CSMD1: variants seen among roughly 807,000 people sequenced by gnomAD.
The protein encoded by CSMD1 is CUB and sushi domain-containing protein 1.
CSMD1 carries 213 observed loss-of-function variants against 417.5 expected under a neutral mutation model. The observed-to-expected ratio is 0.51, with a 90% CI of 0.46 to 0.57. The LOEUF (loss-of-function observed/expected upper bound fraction) is 0.57, where lower values mean the gene tolerates loss of function less well. Among genes scored for constraint, CSMD1 ranks in the 20% least tolerant of loss-of-function variants. The pLI, the probability that CSMD1 is intolerant of heterozygous loss-of-function variation, is 0.00. For missense variants in CSMD1, 6,923 were observed against 4,529.7 expected, an observed-to-expected ratio of 1.53 and a Z score of -15.17; for synonymous variants, 2,862 against 1,736.8, an observed-to-expected ratio of 1.65 and a Z score of -16.11.
At chr8:3,994,687 C>A (rs17068458) in intron 5 of CSMD1, among the ~76,000 whole-genome samples, 1,812 of 152,126 alleles carry the variant, frequency 0.012, 44 homozygotes, top group African/African-American at 0.041. Flanking sequence ...ACGAACCCAA[C>A]GTATGTTTAA....
intron 1 of CSMD1, among the ~76,000 whole-genome samples, chr8:4,862,993 T>C (rs192340671): frequency 4.6e-5 from 7 of 151,994 alleles, no homozygotes; most frequent in Admixed American, 2.6e-4. Context: ...AACCAGCAAA[T>C]ACCCCCGTAG....
intron 5 of CSMD1, among the ~76,000 whole-genome samples, chr8:3,796,744 G>T (rs943824744): frequency 1.3e-5 from 2 of 150,974 alleles, no homozygotes; most frequent in African/African-American, 4.8e-5. Flanking sequence ...TGTTATAGGT[G>T]GTTGCAATTA....
chr8:4,911,682 C>A (rs1192493987), intron 1 of CSMD1, among the ~76,000 whole-genome samples: 1 of 152,106 alleles, frequency 6.6e-6, no homozygotes, highest in African/African-American at 2.4e-5. Flanking sequence ...CATAAATAGA[C>A]TGAAATAAGT....
At chr8:4,892,540 G>C (rs1419060393) in intron 1 of CSMD1, among the ~76,000 whole-genome samples, 1 of 152,038 alleles carries the variant, frequency 6.6e-6, no homozygotes, top group Non-Finnish European at 1.5e-5. Flanking sequence ...AATATTACTT[G>C]TACTAGCGTT....
At chr8:3,686,376 C>G (rs1020049770) in intron 7 of CSMD1, among the ~76,000 whole-genome samples, 1 of 152,124 alleles carries the variant, frequency 6.6e-6, no homozygotes, top group Non-Finnish European at 1.5e-5. Context: ...TAGGGAGGTG[C>G]CGCCACACTG....
At chr8:4,129,592 ATT>A (rs1464377538) in intron 3 of CSMD1, among the ~76,000 whole-genome samples, 1 of 152,040 alleles carries the variant, frequency 6.6e-6, no homozygotes, top group East Asian at 1.9e-4. Flanking sequence ...TTTTATTATT[ATT>A]ATTATTACTG....
chr8:3,301,261 G>T lies in CSMD1; in HGVS notation c.3950+6434C>A, dbSNP rs560865938. ...CAAGGCAGCGTTTGCAGGGTGGTCA[G>T]TGGAAACCTGGTGAGTTAGGAGGGT... On this transcript the variant is annotated intron_variant, in intron 25 of 69. Transcript: ENST00000635120. 7.9e-5 allele frequency among the ~76,000 whole-genome samples: 12 copies of T among 152,234 alleles called. No homozygotes were observed. In the East Asian group the frequency reaches 1.9e-3, roughly 25 times the overall value.
intron 5 of CSMD1, among the ~76,000 whole-genome samples, chr8:3,820,897 C>G (rs1350763106): frequency 2.0e-5 from 3 of 151,870 alleles, no homozygotes; most frequent in South Asian, 2.1e-4. Flanking sequence ...TCCTTAAGGA[C>G]CTGCCTGAGG....
rs748634185 is a variant in CSMD1, at chr8:4,463,811, A to G, written c.303-43746T>C. Among the ~76,000 whole-genome samples the G allele has an allele frequency of 3.1e-4, 47 of 152,192 alleles. 1 individual carries two copies. The highest frequency in any genetic ancestry group is 3.1e-4 in the African/African-American group (13 of 41,448). ...TTTTTGCATTAAACATCTTCCAAAAATAACTGTGGTGATGAATGCATAACC... is the reference window on the plus strand; with the variant it reads ...TTTTTGCATTAAACATCTTCCAAAAGTAACTGTGGTGATGAATGCATAACC... On this transcript the variant is annotated intron_variant, in intron 2 of 69. Transcript: ENST00000635120.
At chr8:3,690,646 T>C (rs115228888) in intron 7 of CSMD1, among the ~76,000 whole-genome samples, 2,147 of 152,290 alleles carry the variant, frequency 0.014, 48 homozygotes, top group African/African-American at 0.048. Flanking sequence ...ATTCTTTCAC[T>C]AATTTGTCCT....
At chr8:4,627,817 G>A (rs964034051) in intron 2 of CSMD1, among the ~76,000 whole-genome samples, 2 of 152,106 alleles carry the variant, frequency 1.3e-5, no homozygotes, top group Non-Finnish European at 2.9e-5. Context: ...TATAGGAATA[G>A]TACAGACAAT....
At chr8:4,764,882 A>AAAAC (rs1563326772) in intron 1 of CSMD1, among the ~76,000 whole-genome samples, 2 of 47,558 alleles carry the variant, frequency 4.2e-5, no homozygotes, top group African/African-American at 7.6e-5. Context: ...CAAAAAAAAA[A>AAAAC]AAAAAAAAAA....
chr8:3,373,549 G>C (rs140751496), intron 18 of CSMD1: 67 of 152,306 alleles, frequency 4.4e-4, no homozygotes, highest in African/African-American at 1.6e-3. Context: ...TAAAATTGAA[G>C]TGAGGAGATG....
rs1804207483 is a variant in CSMD1 at position 4,266,015 on chromosome 8, C to G, written c.415+153938G>C. 1.9e-5 allele frequency among the ~76,000 whole-genome samples: 2 copies of G among 103,720 alleles called. 1 individual carries two copies. Among genetic ancestry groups the G allele is most frequent in the South Asian group, 7.8e-4 (2 of 2,580 alleles). 68.0% of individuals were successfully genotyped at this position (103,720 alleles called of 152,430 possible). On this transcript the variant is annotated intron_variant, in intron 3 of 69. Coordinates refer to ENST00000635120, the MANE Select transcript of CSMD1 (RefSeq NM_033225.6). ...TTTGGGCTGTGTAAGTCATCCCAAA[C>G]CGGCCCACCGCACTCAGGCTCGCCC...
At chr8:4,545,330 T>C (rs1037215490) in intron 2 of CSMD1, among the ~76,000 whole-genome samples, 2 of 152,182 alleles carry the variant, frequency 1.3e-5, no homozygotes, top group Non-Finnish European at 2.9e-5. Context: ...AGAAAAGCCC[T>C]TCATAAATAT....
chr8:3,282,739 T>A (rs896046217), intron 26 of CSMD1, among the ~76,000 whole-genome samples: 17 of 152,106 alleles, frequency 1.1e-4, no homozygotes, highest in Non-Finnish European at 2.1e-4. Flanking sequence ...TAAGAAATTG[T>A]GCAGACTATA....
chr8:3,329,993 G>C (rs975578136), intron 23 of CSMD1, among the ~76,000 whole-genome samples: 1 of 152,160 alleles, frequency 6.6e-6, no homozygotes, highest in African/African-American at 2.4e-5. Flanking sequence ...ACAGTCATGA[G>C]AAGAAATGTT....
At chr8:3,962,668 C>G (rs1295240842) in intron 5 of CSMD1, among the ~76,000 whole-genome samples, 1 of 152,124 alleles carries the variant, frequency 6.6e-6, no homozygotes, top group South Asian at 2.1e-4. Flanking sequence ...ATATGGAAAT[C>G]AGAGCAGCTG....
At chr8:3,428,125 G>T (rs562623517) in intron 12 of CSMD1, among the ~76,000 whole-genome samples, 1 of 152,126 alleles carries the variant, frequency 6.6e-6, no homozygotes, top group African/African-American at 2.4e-5. Flanking sequence ...AAATTAAATA[G>T]ATGTTAAATT....
Sources: allele counts gnomAD v4.1 joint callset (sites outside exome capture counted in the v4.1 genomes callset), GRCh38; gene constraint gnomAD v4.1.1; transcripts MANE v1.5; gene names NCBI Gene and HGNC (gene_info 2026-07-23, HGNC 2026-07-21).